The following TBC1D22A variants were observed in gnomAD, a reference collection of about 807,000 sequenced individuals.
TBC1D22A encodes the protein putative GTPase activator.
A neutral mutation model predicts 60.2 loss-of-function variants in TBC1D22A; 38 were observed. The ratio of observed to expected loss-of-function variants is 0.63; its 90% CI spans 0.49 to 0.83. TBC1D22A has a LOEUF of 0.83. TBC1D22A is among the 40% of genes least tolerant of loss of function. The pLI is 0.00. For missense variants in TBC1D22A, 628 were observed against 701.0 expected (o/e 0.90, Z 1.18); for synonymous variants, 302 against 281.7 (o/e 1.07, Z -0.72).
At chr22:46,939,708 A>G (rs1916687485) in intron 8 of TBC1D22A, among the ~76,000 whole-genome samples, 2 of 152,256 alleles carry the variant, frequency 1.3e-5, no homozygotes, top group Non-Finnish European at 2.9e-5. Context: ...AAAATTATCA[A>G]AGAGACTATG....
At chr22:47,168,665 A>C (rs1228537016) in intron 12 of TBC1D22A, among the ~76,000 whole-genome samples, 1 of 152,014 alleles carries the variant, frequency 6.6e-6, no homozygotes, top group Non-Finnish European at 1.5e-5. Context: ...GAAGGAACCC[A>C]GGGTCTGCAG....
At chr22:47,150,388 A>G (rs1375673484) in intron 12 of TBC1D22A, among the ~76,000 whole-genome samples, 1 of 152,114 alleles carries the variant, frequency 6.6e-6, no homozygotes, top group Non-Finnish European at 1.5e-5. Flanking sequence ...TCTTTTGGAC[A>G]TCTCAAAAGT....
intron 10 of TBC1D22A, among the ~76,000 whole-genome samples, chr22:47,008,417 G>A (rs116176389): frequency 2.0e-5 from 3 of 152,196 alleles, no homozygotes; most frequent in Non-Finnish European, 2.9e-5. Context: ...CTCCCCAGGT[G>A]TAGAGTTCCC....
intron 4 of TBC1D22A, among the ~76,000 whole-genome samples, chr22:46,842,522 T>G (rs1008550802): frequency 6.6e-6 from 1 of 152,214 alleles, no homozygotes; most frequent in African/African-American, 2.4e-5. Flanking sequence ...GTTGTAGATA[T>G]CAGTTCTCCC....
chr22:47,124,788 T>C (rs775890991), intron 12 of TBC1D22A, among the ~76,000 whole-genome samples: 15 of 150,934 alleles, frequency 9.9e-5, no homozygotes, highest in Non-Finnish European at 1.9e-4. Context: ...AGGTGATGAG[T>C]TTGGGCTCCA....
At chr22:46,779,217 G>A (rs2083833140) in intron 1 of TBC1D22A, among the ~76,000 whole-genome samples, 1 of 152,164 alleles carries the variant, frequency 6.6e-6, no homozygotes, top group Admixed American at 6.5e-5. Context: ...AAACACAGGA[G>A]TATGCTTTGT....
intron 12 of TBC1D22A, among the ~76,000 whole-genome samples, chr22:47,121,560 A>G (rs1254176631): frequency 1.3e-5 from 2 of 152,208 alleles, no homozygotes; most frequent in Admixed American, 6.5e-5. Flanking sequence ...GAAATTGTAT[A>G]TATCGACATA....
At chr22:46,995,514 T>G (rs1290746282) in intron 9 of TBC1D22A, among the ~76,000 whole-genome samples, 3 of 117,388 alleles carry the variant, frequency 2.6e-5, no homozygotes, top group Non-Finnish European at 4.7e-5. Context: ...GCACGCACTT[T>G]GTGTGTGTGT....
At chr22:46,876,365 C>T (rs967744128) in intron 4 of TBC1D22A, among the ~76,000 whole-genome samples, 2 of 152,206 alleles carry the variant, frequency 1.3e-5, no homozygotes, top group African/African-American at 2.4e-5. Context: ...GACACATGTG[C>T]ATACAAAGAC....
chr22:47,136,211 C>A (rs1352389535), intron 12 of TBC1D22A, among the ~76,000 whole-genome samples: 1 of 152,226 alleles, frequency 6.6e-6, no homozygotes, highest in Non-Finnish European at 1.5e-5. Context: ...CCCTTGCCCA[C>A]TGTCTGCCCA....
At chr22:46,971,622 T>C (rs967175191) in intron 8 of TBC1D22A, among the ~76,000 whole-genome samples, 1 of 152,226 alleles carries the variant, frequency 6.6e-6, no homozygotes, top group Non-Finnish European at 1.5e-5. Flanking sequence ...CTGCCGGTCC[T>C]TCCAGTAGGA....
intron 4 of TBC1D22A, among the ~76,000 whole-genome samples, chr22:46,816,198 G>A (rs558397367): frequency 5.9e-4 from 90 of 152,256 alleles, no homozygotes; most frequent in African/African-American, 2.0e-3. Context: ...CTCTGCCTGC[G>A]GTGCTGTCCC....
At position 47,079,010 on chromosome 22, in the gene TBC1D22A, C is replaced by G. The variant is rs142809943; in HGVS notation, c.1330-32498C>G. ...CCTCTCTAAACACCCTGTATATATA[C>G]GAACAAGAGAGCGCTACTTTACGTG... On this transcript the variant is annotated intron_variant, in intron 11 of 12. Coordinates refer to ENST00000337137, the MANE Select transcript of TBC1D22A (RefSeq NM_014346.5). Among the ~76,000 whole-genome samples, 500 of 151,584 alleles carry G rather than the reference C, an allele frequency of 3.3e-3. 25 individuals carry two copies. In the East Asian group the frequency reaches 0.09, roughly 27 times the overall value.
At chr22:46,779,948 G>A (rs964392123) in intron 1 of TBC1D22A, among the ~76,000 whole-genome samples, 5 of 152,218 alleles carry the variant, frequency 3.3e-5, no homozygotes, top group African/African-American at 1.2e-4. Context: ...TGACCCTCGG[G>A]GTGGGCACAA....
chr22:47,169,261 A>G (rs2068335931), intron 12 of TBC1D22A, among the ~76,000 whole-genome samples: 1 of 152,202 alleles, frequency 6.6e-6, no homozygotes, highest in South Asian at 2.1e-4. Flanking sequence ...CCGGCCCTCA[A>G]CTTCAACAGG....
chr22:47,051,325 C>T (rs902531284), intron 11 of TBC1D22A, among the ~76,000 whole-genome samples: 4 of 152,306 alleles, frequency 2.6e-5, no homozygotes, highest in Admixed American at 2.6e-4. Context: ...TAATTAACTA[C>T]AATTTAAATT....
intron 9 of TBC1D22A, among the ~76,000 whole-genome samples, chr22:46,989,761 A>G (rs867550882): frequency 6.8e-6 from 1 of 147,042 alleles, no homozygotes; most frequent in African/African-American, 2.5e-5. Flanking sequence ...TGACAGAGTC[A>G]CACACACACA....
At chr22:46,854,774 C>T (rs984959163) in intron 4 of TBC1D22A, among the ~76,000 whole-genome samples, 3 of 152,158 alleles carry the variant, frequency 2.0e-5, no homozygotes, top group Non-Finnish European at 4.4e-5. Flanking sequence ...CTCCCCGTTG[C>T]TTGCAGGACA....
chr22:46,939,270 C>T (rs535953396), intron 8 of TBC1D22A, among the ~76,000 whole-genome samples: 16 of 152,252 alleles, frequency 1.1e-4, no homozygotes, highest in Non-Finnish European at 1.2e-4. Flanking sequence ...ATCATATCAG[C>T]GAATTCGCAG....
Sources: gnomAD v4.1 joint callset for allele counts (sites outside exome capture counted in the v4.1 genomes callset) on GRCh38, gnomAD v4.1.1 for gene constraint, MANE v1.5 for transcripts, NCBI Gene and HGNC (gene_info 2026-07-23, HGNC 2026-07-21) for gene names.